WWC2: variants seen among roughly 807,000 people sequenced by gnomAD.
WWC2 encodes the protein WW and C2 domain containing 2.
Under a neutral mutation model 138.5 loss-of-function variants are expected in WWC2, and 101 were observed. The observed-to-expected ratio is 0.73, with a 90% CI of 0.62 to 0.86. WWC2 has a LOEUF of 0.86. Ranked by LOEUF, WWC2 falls within the 40% of genes least tolerant of loss-of-function variation. The pLI is 0.00. For synonymous variants in WWC2, 558 were observed against 538.4 expected (o/e 1.04, Z -0.50); for missense variants, 1,420 against 1,419.4 (o/e 1.00, Z -0.01).
chr4:183,254,105 G>A (rs1737067029), intron 9 of WWC2, 106 bp downstream of exon 9: 20 of 1,461,282 alleles, frequency 1.4e-5, no homozygotes, highest in Non-Finnish European at 1.8e-5. Flanking sequence ...TGTTCTTAGT[G>A]GACTGAGAAA....
rs116071646 is a variant in WWC2 at position 183,249,044 on chromosome 4, G to C, written c.879+184G>C. Among the ~76,000 whole-genome samples the C allele has an allele frequency of 4.3e-3, 658 of 152,054 alleles. 4 individuals are homozygous for C. The highest frequency in any genetic ancestry group is 0.015 in the African/African-American group (641 of 41,460). On this transcript the variant is annotated intron_variant, in intron 7 of 22. Coordinates refer to ENST00000403733, the MANE Select transcript of WWC2 (RefSeq NM_024949.6). ...CTTATCTTTTCTATCTAGGTGCCAA[G>C]TATGTCAGGATTTGTCCATATGAGT...
chr4:183,238,795 T>C (rs1160767022), intron 4 of WWC2, among the ~76,000 whole-genome samples: 1 of 152,148 alleles, frequency 6.6e-6, no homozygotes, highest in African/African-American at 2.4e-5. Flanking sequence ...AGAGCACCTT[T>C]GGTAATTACT....
chr4:183,138,003 C>G (rs749275618), intron 1 of WWC2, among the ~76,000 whole-genome samples: 4 of 152,102 alleles, frequency 2.6e-5, no homozygotes, highest in Non-Finnish European at 5.9e-5. Flanking sequence ...TGAGGCCTGG[C>G]AAAAGATGGG....
At chr4:183,307,591 A>G (rs925394229) in intron 21 of WWC2, among the ~76,000 whole-genome samples, 3 of 152,234 alleles carry the variant, frequency 2.0e-5, no homozygotes, top group Non-Finnish European at 4.4e-5. Flanking sequence ...ATTATATACC[A>G]TGACCAAGGG....
At chr4:183,246,180 G>A (rs1281557874) in intron 6 of WWC2, among the ~76,000 whole-genome samples, 2 of 152,128 alleles carry the variant, frequency 1.3e-5, no homozygotes, top group South Asian at 2.1e-4. Context: ...CAAAATAGCC[G>A]TTAAGTGATC....
chr4:183,216,734 AT>A (rs933727421), intron 4 of WWC2, among the ~76,000 whole-genome samples: 2 of 152,194 alleles, frequency 1.3e-5, no homozygotes, highest in African/African-American at 4.8e-5. Flanking sequence ...AGAAAAGTTC[AT>A]TGGCGGAGAA....
intron 1 of WWC2, among the ~76,000 whole-genome samples, chr4:183,121,608 A>G (rs1273505536): frequency 6.6e-6 from 1 of 152,152 alleles, no homozygotes; most frequent in Non-Finnish European, 1.5e-5. Flanking sequence ...GGTTGTACCA[A>G]TATATATTCC....
chr4:183,216,043 A>G lies in WWC2; in HGVS notation c.522+7018A>G, dbSNP rs1028464865. 2.0e-5 allele frequency among the ~76,000 whole-genome samples: 3 copies of G among 152,368 alleles called. No homozygotes were observed. In the South Asian group the frequency reaches 6.2e-4, roughly 32 times the overall value. On this transcript the variant is annotated intron_variant, in intron 4 of 22. Coordinates refer to ENST00000403733, the MANE Select transcript of WWC2 (RefSeq NM_024949.6). ...TTGTGGAATGTTATGAGATAAAGAT[A>G]TAATGAATACATTCAAACCAACACT...
rs574685986 is a variant in WWC2, at chr4:183,255,067, G to A, written c.1196+1068G>A. Among the ~76,000 whole-genome samples, 136 of 152,358 alleles carry A rather than the reference G, an allele frequency of 8.9e-4. 1 individual carries two copies. The highest frequency in any genetic ancestry group is 3.1e-3 in the African/African-American group (129 of 41,584). ...AACCGTTTTAGGAGAGTTGACTTCT[G>A]TGGGTTAAAATGTTGATCAAGGTAA... On this transcript the variant is annotated intron_variant, in intron 9 of 22. Coordinates refer to ENST00000403733, the MANE Select transcript of WWC2 (RefSeq NM_024949.6).
intron 5 of WWC2, among the ~76,000 whole-genome samples, chr4:183,243,299 A>T (rs776673855): frequency 6.6e-6 from 1 of 152,232 alleles, no homozygotes; most frequent in Non-Finnish European, 1.5e-5. Flanking sequence ...ATTCACTTTG[A>T]CACAATTTCA....
At chr4:183,279,483 GGC>G (rs1194377106) in intron 16 of WWC2, among the ~76,000 whole-genome samples, 1 of 152,054 alleles carries the variant, frequency 6.6e-6, no homozygotes, top group Non-Finnish European at 1.5e-5. Flanking sequence ...GAATGATGCT[GGC>G]CTCATCAAAT....
intron 5 of WWC2, among the ~76,000 whole-genome samples, chr4:183,241,186 T>C (rs1736605780): frequency 6.6e-6 from 1 of 152,214 alleles, no homozygotes; most frequent in Non-Finnish European, 1.5e-5. Flanking sequence ...GGTTTCGTGT[T>C]CTTCCCGGCA....
intron 1 of WWC2, among the ~76,000 whole-genome samples, chr4:183,110,369 C>T (rs372080899): frequency 6.6e-6 from 1 of 151,516 alleles, no homozygotes; most frequent in East Asian, 1.9e-4. Flanking sequence ...AAAATTATTC[C>T]ATATATTATC....
chr4:183,129,941 G>T (rs72693704), intron 1 of WWC2, among the ~76,000 whole-genome samples: 3,651 of 152,070 alleles, frequency 0.024, 72 homozygotes, highest in Non-Finnish European at 0.037. Flanking sequence ...GTGCAGGGCT[G>T]TTGTGTTTTC....
At chr4:183,299,329 G>A (rs539308730) in intron 21 of WWC2, among the ~76,000 whole-genome samples, 10 of 152,218 alleles carry the variant, frequency 6.6e-5, no homozygotes, top group African/African-American at 1.2e-4. Context: ...CATTCAACCC[G>A]TAGCAGATGC....
At chr4:183,254,064 T>C (rs1311832644) in intron 9 of WWC2, 65 bp downstream of exon 9, 1 of 1,550,974 alleles carries the variant, frequency 6.4e-7, no homozygotes, top group African/African-American at 1.4e-5. Flanking sequence ...TGGATACTAT[T>C]TTCCCTGGGT....
At chr4:183,262,621 C>A (rs998298655) in intron 11 of WWC2, among the ~76,000 whole-genome samples, 5 of 152,244 alleles carry the variant, frequency 3.3e-5, no homozygotes, top group African/African-American at 1.2e-4. Context: ...TTTGTGCGCC[C>A]TCTCCTGGGG....
At chr4:183,149,817 G>C (rs187683575) in intron 1 of WWC2, among the ~76,000 whole-genome samples, 2 of 152,028 alleles carry the variant, frequency 1.3e-5, no homozygotes, top group Admixed American at 6.5e-5. Context: ...GTTAGCAGCC[G>C]TTGATATCTA....
In WWC2 at chr4:183,320,292, GT is replaced by G; in HGVS notation, c.*4565del. Reference sequence around the variant, plus strand: ...CTGTGAAAAGAAGTGTGACACTTGTGTTATAACTTATGAAACTCAGAAATAT... The same window carrying G: ...CTGTGAAAAGAAGTGTGACACTTGTGTATAACTTATGAAACTCAGAAATAT... On this transcript the variant is annotated 3_prime_UTR_variant, in exon 23 of 23. Coordinates refer to ENST00000403733, the MANE Select transcript of WWC2 (RefSeq NM_024949.6). The G allele has an allele frequency of 7.5e-7, 1 of 1,330,670 alleles. No individual in the cohort carries two copies. Among genetic ancestry groups the G allele is most frequent in the Non-Finnish European group, 1.0e-6 (1 of 959,104 alleles). The allele number at this position is 1,330,670 out of a possible 1,614,324, so 82.4% of individuals were successfully genotyped here. A position where few individuals can be genotyped will look rare whatever the true frequency, so the allele number is the denominator to read the frequency against.
Sources: gnomAD v4.1 joint callset for allele counts (sites outside exome capture counted in the v4.1 genomes callset) on GRCh38, gnomAD v4.1.1 for gene constraint, MANE v1.5 for transcripts, NCBI Gene and HGNC (gene_info 2026-07-23, HGNC 2026-07-21) for gene names.